EFCAB9: variants seen among roughly 807,000 people sequenced by gnomAD.
EFCAB9 encodes EF-hand calcium binding domain 9, also known as EF-hand calcium-binding domain-containing protein 9.
In EFCAB9, 16 loss-of-function variants were observed where a neutral mutation model predicts 15.6. That is an observed-to-expected ratio of 1.03 (90% confidence interval 0.69 to 1.56). EFCAB9 has a LOEUF of 1.56. EFCAB9 is among the 40% of genes most tolerant of loss of function. The pLI is 0.00. For missense variants in EFCAB9, 208 were observed against 235.4 expected (o/e 0.88, Z 0.76); for synonymous variants, 76 against 85.4 (o/e 0.89, Z 0.61).
In EFCAB9 at chr5:172,199,421, T is replaced by G. The variant is rs1412969690; in HGVS notation, c.175T>G (p.Leu59Val). The stretch of plus-strand genomic sequence containing the variant: ...TCACTTCCTTCATCATGTGACTGAC[T>G]TGAAAAAGGCACAGATCAACATTGT... ...FYHFLHHVTD[L>V]KKAQINIVFD... The change falls in exon 2 of 4, where the codon TTG becomes GTG. Residue 59 changes from leucine (L) to valine (V), a missense_variant. Leu to Val is a conservative substitution (Grantham distance 32, BLOSUM62 1). Coordinates refer to ENST00000398186, the MANE Select transcript of EFCAB9 (RefSeq NM_001171183.2). The G allele has an allele frequency of 6.5e-7, 1 of 1,537,142 alleles. No individual in the cohort carries two copies. Among genetic ancestry groups the G allele is most frequent in the Non-Finnish European group, 8.7e-7 (1 of 1,146,916 alleles).
At chr5:172,202,457 C>A (rs961658636) in intron 3 of EFCAB9, among the ~76,000 whole-genome samples, 10 of 151,898 alleles carry the variant, frequency 6.6e-5, no homozygotes, top group Admixed American at 6.6e-4. Flanking sequence ...ACTGTAATCC[C>A]AACATTTTGG....
At chr5:172,198,135 A>T (rs770620072) in intron 1 of EFCAB9, among the ~76,000 whole-genome samples, 4 of 152,216 alleles carry the variant, frequency 2.6e-5, no homozygotes, top group Non-Finnish European at 4.4e-5. Flanking sequence ...TCGACCCAGG[A>T]AGTCCAGCTG....
At chr5:172,199,052 C>T (rs1345069489) in intron 1 of EFCAB9, among the ~76,000 whole-genome samples, 1 of 152,172 alleles carries the variant, frequency 6.6e-6, no homozygotes, top group African/African-American at 2.4e-5. Context: ...GCACTTTGTG[C>T]CCATTTTATA....
chr5:172,196,171 A>G (rs1036320259), intron 1 of EFCAB9, among the ~76,000 whole-genome samples: 7 of 152,068 alleles, frequency 4.6e-5, no homozygotes, highest in African/African-American at 9.7e-5. Flanking sequence ...ACATGGAAAC[A>G]TTTCTCAAGC....
chr5:172,197,108 C>CTT (rs769692171), intron 1 of EFCAB9, among the ~76,000 whole-genome samples: 8 of 141,388 alleles, frequency 5.7e-5, no homozygotes, highest in Non-Finnish European at 7.8e-5. Context: ...TGAGGCACAA[C>CTT]TTTTTTTTTT....
At position 172,200,658 on chromosome 5, in the gene EFCAB9, C is replaced by A; in HGVS notation, c.378C>A (p.Asn126Lys). The change falls in exon 3 of 4, where the codon AAC becomes AAA. Residue 126 changes from asparagine to lysine, a missense_variant. By Grantham distance (94) the Asn-to-Lys change is moderately conservative (BLOSUM62 0). Coordinates refer to ENST00000398186, the MANE Select transcript of EFCAB9 (RefSeq NM_001171183.2). The part of the protein sequence containing the change: ...LKGDLRIGAK[N>K]FEMYRFLFNI... ...GGGATCTGAGAATTGGTGCAAAAAA[C>A]TTCGAAATGTACAGATTTCTCTTCA... The A allele has an allele frequency of 6.5e-7, 1 of 1,537,364 alleles. No homozygotes were observed. Among genetic ancestry groups the A allele is most frequent in the Non-Finnish European group, 8.7e-7 (1 of 1,146,926 alleles).
chr5:172,199,564 G>A, intron 2 of EFCAB9, 33 bp downstream of exon 2: 1 of 1,534,768 alleles, frequency 6.5e-7, no homozygotes, highest in Non-Finnish European at 8.7e-7. Flanking sequence ...CCATCCTCTT[G>A]CTAATGGGAG....
chr5:172,201,711 T>C (rs1168918417), intron 3 of EFCAB9, among the ~76,000 whole-genome samples: 1 of 152,134 alleles, frequency 6.6e-6, no homozygotes, highest in Non-Finnish European at 1.5e-5. Flanking sequence ...TGGGAGCATG[T>C]GAGCATAATC....
rs528250394 is a variant in EFCAB9, at chr5:172,195,399, A to AT, written c.136+1096dup. Reference sequence around the variant, plus strand: ...GTCATGATTTTAAGGAGTTCATTCAATTTTTAAAAACAATTAAAAAAGAAC... The same window carrying AT: ...GTCATGATTTTAAGGAGTTCATTCAATTTTTTAAAAACAATTAAAAAAGAAC... On this transcript the variant is annotated intron_variant, in intron 1 of 3. Coordinates refer to ENST00000398186, the MANE Select transcript of EFCAB9 (RefSeq NM_001171183.2). 4.6e-5 allele frequency among the ~76,000 whole-genome samples: 7 copies of AT among 152,300 alleles called. No individual in the cohort carries two copies. In the South Asian group the frequency reaches 1.4e-3, roughly 32 times the overall value.
chr5:172,196,736 T>C lies in EFCAB9; in HGVS notation c.136+2428T>C, dbSNP rs560810365. On this transcript the variant is annotated intron_variant, in intron 1 of 3. Transcript: ENST00000398186. ...TCATCAGTGAGTAAGGGGAAACACA[T>C]GTAGATAAACGTAAAAATCCCTTGT... Among the ~76,000 whole-genome samples, 59 of 152,256 alleles carry C rather than the reference T, an allele frequency of 3.9e-4. No individual in the cohort carries two copies. The Middle Eastern group carries it at 0.014, about 35-fold the overall frequency.
chr5:172,197,887 AACAGAGTGCTGATTGCTCCATTTT>A (rs1284524496), intron 1 of EFCAB9, among the ~76,000 whole-genome samples: 72 of 152,228 alleles, frequency 4.7e-4, no homozygotes, highest in African/African-American at 1.7e-3. Flanking sequence ...TGGTCCATTT[AACAGAGTGCTGATTGCTCCATTTT>A]ACAGAGTGCT....
intron 2 of EFCAB9, among the ~76,000 whole-genome samples, chr5:172,200,284 A>C (rs1335483595): frequency 6.6e-6 from 1 of 152,162 alleles, no homozygotes; most frequent in African/African-American, 2.4e-5. Flanking sequence ...ATGTTTCACA[A>C]GACTTTCACT....
At chr5:172,197,855 T>A (rs1771186524) in intron 1 of EFCAB9, among the ~76,000 whole-genome samples, 1 of 152,136 alleles carries the variant, frequency 6.6e-6, no homozygotes, top group Non-Finnish European at 1.5e-5. Context: ...CCCTTATTTG[T>A]CCCTGCCCAC....
intron 3 of EFCAB9, among the ~76,000 whole-genome samples, chr5:172,202,968 C>T (rs191713047): frequency 1.3e-5 from 2 of 152,296 alleles, no homozygotes; most frequent in East Asian, 1.9e-4. Context: ...CACTGCACTC[C>T]GGCCTGGGCG....
Position 172,199,508 on chromosome 5 carries a change from G to T in EFCAB9, c.262G>T (p.Val88Leu), listed in dbSNP as rs192898672. 1.1e-5 allele frequency: 17 copies of T among 1,537,338 alleles called. No individual in the cohort carries two copies. In the Admixed American group the frequency reaches 3.1e-4, roughly 28 times the overall value. Residue 88 changes from valine to leucine, a missense_variant, in exon 2 of 4, where the codon GTG becomes TTG. Physicochemically the swap from Val to Leu is conservative, Grantham distance 32. Coordinates refer to ENST00000398186, the MANE Select transcript of EFCAB9 (RefSeq NM_001171183.2). ...CGACTTTGAGAAGTTCTACATGCTG[G>T]TGTGCATGCTGCTGGCCCACCAGGC... is the stretch of plus-strand genomic sequence containing the variant. ...EIDFEKFYML[V>L]CMLLAHQNHL...
chr5:172,199,339 A>G lies in EFCAB9; in HGVS notation c.137-44A>G, dbSNP rs992686756. Reference sequence around the variant, plus strand: ...GCTTCTAGCTGTTTAGCATTTTGGAACTATATCCAAATAACACATCTCCTC... The same window carrying G: ...GCTTCTAGCTGTTTAGCATTTTGGAGCTATATCCAAATAACACATCTCCTC... On this transcript the variant is annotated intron_variant, in intron 1 of 3. Transcript: ENST00000398186. The G allele has an allele frequency of 5.2e-6, 8 of 1,529,156 alleles. No homozygotes were observed. The East Asian group carries it at 1.7e-4, about 33-fold the overall frequency. The allele number at this position is 1,529,156 out of a possible 1,614,324, so 94.7% of individuals were successfully genotyped here.
intron 3 of EFCAB9, 44 bp from the exon 4 acceptor site, chr5:172,203,170 T>G: frequency 6.9e-7 from 1 of 1,453,506 alleles, no homozygotes; most frequent in Non-Finnish European, 9.1e-7. Context: ...AAGTATGAAG[T>G]TTTTCCTGAA....
At chr5:172,199,213 G>T (rs1771212686) in intron 1 of EFCAB9, among the ~76,000 whole-genome samples, 170 bp from the exon 2 acceptor site, 1 of 152,166 alleles carries the variant, frequency 6.6e-6, no homozygotes, top group East Asian at 1.9e-4. Flanking sequence ...GGCGACGAAG[G>T]TTTCAGGAAC....
At position 172,199,061 on chromosome 5, in the gene EFCAB9, T is replaced by C. The variant is rs569635623; in HGVS notation, c.137-322T>C. Among the ~76,000 whole-genome samples, 4 of 152,352 alleles carry C rather than the reference T, an allele frequency of 2.6e-5. No individual in the cohort carries two copies. In the East Asian group the frequency reaches 7.7e-4, roughly 29 times the overall value. On this transcript the variant is annotated intron_variant, in intron 1 of 3. Coordinates refer to ENST00000398186, the MANE Select transcript of EFCAB9 (RefSeq NM_001171183.2). ...TAAGGAGCACTTTGTGCCCATTTTA[T>C]ATGTTAGCGCCTTGCCTTTTATCAG...
Sources: allele counts gnomAD v4.1 joint callset (sites outside exome capture counted in the v4.1 genomes callset), GRCh38; gene constraint gnomAD v4.1.1; transcripts MANE v1.5; gene names NCBI Gene and HGNC (gene_info 2026-07-23, HGNC 2026-07-21).